SLC40A1: variants seen among roughly 807,000 people sequenced by gnomAD.
SLC40A1 encodes the protein solute carrier family 40 member 1, also known as ferroportin.
SLC40A1 carries 16 observed loss-of-function variants against 53.5 expected under a neutral mutation model. That is an observed-to-expected ratio of 0.30 (90% confidence interval 0.20 to 0.45). The LOEUF (loss-of-function observed/expected upper bound fraction) is 0.45, where lower values mean the gene tolerates loss of function less well. Among genes scored for constraint, SLC40A1 ranks in the 20% least tolerant of loss-of-function variants. The probability of loss-of-function intolerance (pLI) is 1.00; values close to 1 mark genes in which losing one functional copy is unlikely to be tolerated. For synonymous variants in SLC40A1, 247 were observed against 253.2 expected (o/e 0.98, Z 0.23); for missense variants, 545 against 695.4 (o/e 0.78, Z 2.43).
chr2:189,568,946 G>A (rs1267371724), intron 5 of SLC40A1, among the ~76,000 whole-genome samples: 1 of 152,232 alleles, frequency 6.6e-6, no homozygotes, highest in East Asian at 1.9e-4. Context: ...CCTGGGAAAA[G>A]GAAGTAAGAT....
chr2:189,565,638 C>T (rs1297757688), intron 5 of SLC40A1, 39 bp from the exon 6 acceptor site: 8 of 1,613,478 alleles, frequency 5.0e-6, no homozygotes, highest in African/African-American at 1.3e-5. Flanking sequence ...AGTGTGCAAA[C>T]CCATCAAAGA....
chr2:189,579,621 A>C (rs1574248388), intron 2 of SLC40A1, among the ~76,000 whole-genome samples, 192 bp downstream of exon 2: 1 of 152,240 alleles, frequency 6.6e-6, no homozygotes, highest in South Asian at 2.1e-4. Flanking sequence ...TCTGATAATT[A>C]AGTTGCATTA....
chr2:189,572,442 C>A, intron 4 of SLC40A1: 1 of 288,188 alleles, frequency 3.5e-6, no homozygotes. Flanking sequence ...GAAATCACAA[C>A]ATGAAAAGTT....
In SLC40A1 at chr2:189,561,783, G is replaced by T; in HGVS notation, c.*95C>A. On this transcript the variant is annotated 3_prime_UTR_variant, in exon 8 of 8. Transcript: ENST00000261024. ...AAGGCACAGCTGTGGTAAAAACAGA[G>T]CAAAACACCCAGCCATTTATTGGAA... 1 of 1,117,948 alleles carries T rather than the reference G, an allele frequency of 8.9e-7. No individual in the cohort carries two copies. 69.3% of individuals were successfully genotyped at this position (1,117,948 alleles called of 1,614,324 possible). A position where few individuals can be genotyped will look rare whatever the true frequency, so the allele number is the denominator to read the frequency against.
chr2:189,579,703 A>C, intron 2 of SLC40A1, 110 bp downstream of exon 2: 2 of 957,994 alleles, frequency 2.1e-6, no homozygotes, highest in Non-Finnish European at 3.4e-6. Flanking sequence ...TGGATGATTT[A>C]TTTCTTTAAC....
intron 5 of SLC40A1, among the ~76,000 whole-genome samples, chr2:189,569,917 C>T (rs1417825121): frequency 6.6e-6 from 1 of 151,606 alleles, no homozygotes; most frequent in Non-Finnish European, 1.5e-5. Context: ...AGAAAAATCC[C>T]AGAGTTATGT....
Position 189,565,359 on chromosome 2 carries a change from T to G in SLC40A1, c.755A>C (p.His252Pro). 6.2e-7 allele frequency: 1 copy of G among 1,614,250 alleles called. No homozygotes were observed. The highest frequency in any genetic ancestry group is 1.3e-5 in the African/African-American group (1 of 75,076). ...GATCATTGTGTTCAGTTTACCTTTG[T>G]GTAAATTCAGCTGTTTCAATTCAGT... Reference protein sequence around the residue: ...EETELKQLNLHKDTEPKPLEG... With the variant: ...EETELKQLNLPKDTEPKPLEG... The change falls in exon 6 of 8, where the codon CAC becomes CCC. Residue 252 changes from histidine to proline, a missense_variant. Transcript: ENST00000261024.
rs104893664 is a variant in SLC40A1, at chr2:189,564,186, C to T, written c.800G>A (p.Gly267Asp). ...PKPLEGTHLM[G>D]VKDSNIHELE... The stretch of plus-strand genomic sequence containing the variant: ...CTCATGGATGTTAGAGTCTTTCACA[C>T]CCATTAGATGAGTTCCCTCCAGGGG... Residue 267 changes from glycine to aspartate, a missense_variant, in exon 7 of 8, where the codon GGT (glycine) becomes GAT (aspartate). Gly to Asp is a moderately conservative substitution (Grantham distance 94, BLOSUM62 -1). Coordinates refer to ENST00000261024, the MANE Select transcript of SLC40A1 (RefSeq NM_014585.6). 26 of 1,613,676 alleles carry T rather than the reference C, an allele frequency of 1.6e-5. No individual in the cohort carries two copies. In the East Asian group the frequency reaches 2.2e-4, roughly 14 times the overall value.
Position 189,572,896 on chromosome 2 carries a change from C to T in SLC40A1, c.337G>A (p.Val113Ile). The T allele has an allele frequency of 6.2e-7, 1 of 1,614,022 alleles. No homozygotes were observed. Among genetic ancestry groups the T allele is most frequent in the Non-Finnish European group, 8.5e-7 (1 of 1,179,916 alleles). The change falls in exon 4 of 8, where the codon GTT (valine) becomes ATT (isoleucine). Residue 113 changes from valine to isoleucine, a missense_variant. Transcript: ENST00000261024. ...VILCGIILMM[V>I]FLHKHELLTM... Reference sequence around the variant, plus strand: ...AGAAGCTCATGTTTATGTAAGAAAACCATCATCAGGATGATTCCACACAGG... The same window carrying T: ...AGAAGCTCATGTTTATGTAAGAAAATCATCATCAGGATGATTCCACACAGG...
intron 2 of SLC40A1, among the ~76,000 whole-genome samples, chr2:189,576,804 T>C (rs955464159): frequency 6.6e-6 from 1 of 152,166 alleles, no homozygotes; most frequent in Non-Finnish European, 1.5e-5. Context: ...AAGAAACACT[T>C]TTCTAATACT....
rs2030901194 is a variant in SLC40A1, at chr2:189,565,360, G to T, written c.754C>A (p.His252Asn). The change falls in exon 6 of 8, where the codon CAC becomes AAC. Residue 252 changes from histidine to asparagine, a missense_variant. Around this residue, in one of 4 missense-constraint regions of SLC40A1, gnomAD observed 107 missense variants for 91.0 expected, o/e 1.18. Coordinates refer to ENST00000261024, the MANE Select transcript of SLC40A1 (RefSeq NM_014585.6). The stretch of plus-strand genomic sequence containing the variant: ...ATCATTGTGTTCAGTTTACCTTTGT[G>T]TAAATTCAGCTGTTTCAATTCAGTT... ...EETELKQLNL[H>N]KDTEPKPLEG... 6.2e-7 allele frequency: 1 copy of T among 1,614,208 alleles called. No individual in the cohort carries two copies. The highest frequency in any genetic ancestry group is 8.5e-7 in the Non-Finnish European group (1 of 1,180,014).
At chr2:189,573,313 T>G (rs1271611340) in intron 3 of SLC40A1, among the ~76,000 whole-genome samples, 1 of 152,208 alleles carries the variant, frequency 6.6e-6, no homozygotes, top group Admixed American at 6.5e-5. Context: ...TCTTTGTTGC[T>G]TAAGGTAAAA....
intron 2 of SLC40A1, among the ~76,000 whole-genome samples, chr2:189,576,959 G>A (rs2031305328): frequency 6.6e-6 from 1 of 152,150 alleles, no homozygotes; most frequent in African/African-American, 2.4e-5. Flanking sequence ...TGGAAAGAAA[G>A]AAATTGCTCA....
Position 189,561,848 on chromosome 2 carries a change from T to C in SLC40A1, c.*30A>G, listed in dbSNP as rs1458643793. 3.2e-6 allele frequency: 5 copies of C among 1,573,104 alleles called. No individual in the cohort carries two copies. Among genetic ancestry groups the C allele is most frequent in the Non-Finnish European group, 4.4e-6 (5 of 1,142,844 alleles). On this transcript the variant is annotated 3_prime_UTR_variant, in exon 8 of 8. Transcript: ENST00000261024. The stretch of plus-strand genomic sequence containing the variant: ...ATAAGCACATGTGCTCTATATAATC[T>C]AGTAACAGGATAGCAACAGTTAAAC...
chr2:189,574,859 AC>A (rs928563210), intron 3 of SLC40A1, among the ~76,000 whole-genome samples: 1 of 152,212 alleles, frequency 6.6e-6, no homozygotes, highest in Non-Finnish European at 1.5e-5. Flanking sequence ...AGTTAAGCAA[AC>A]TTTTAATGTT....
In SLC40A1 at chr2:189,571,735, TCTC is replaced by T; in HGVS notation, c.491_493del (p.Gly164del). 6.2e-7 allele frequency: 1 copy of T among 1,612,772 alleles called. No individual in the cohort carries two copies. Among genetic ancestry groups the T allele is most frequent in the Non-Finnish European group, 8.5e-7 (1 of 1,178,924 alleles). On this transcript the variant is annotated inframe_deletion, in exon 5 of 8. Transcript: ENST00000261024. ...ATTACTTGCTAGTTTGCTTCTGTCT[TCTC>T]CTGCAACAACAACAATCCAATCCCT... is the stretch of plus-strand genomic sequence containing the variant.
chr2:189,571,595 A>G (rs1574242927), intron 5 of SLC40A1, 120 bp downstream of exon 5: 2 of 1,489,082 alleles, frequency 1.3e-6, no homozygotes, highest in Non-Finnish European at 1.8e-6. Flanking sequence ...GTATGCTTTC[A>G]ATTTATCATT....
intron 2 of SLC40A1, 60 bp from the exon 3 acceptor site, chr2:189,575,380 C>T (rs1180772770): frequency 1.3e-6 from 2 of 1,572,066 alleles, no homozygotes; most frequent in African/African-American, 1.4e-5. Context: ...CTATTGTACT[C>T]AGGAAGTTGC....
Position 189,580,784 on chromosome 2 carries a change from G to A in SLC40A1, c.-324C>T. On this transcript the variant is annotated 5_prime_UTR_variant, in exon 1 of 8. Transcript: ENST00000261024. ...GCCAGCTCTCTCCGCCGCCGCCGCC[G>A]CCGCCGTGGGCCGGGCCCAGCTCTT... 2.4e-6 allele frequency: 3 copies of A among 1,273,046 alleles called. No individual in the cohort carries two copies. Among genetic ancestry groups the A allele is most frequent in the Non-Finnish European group, 3.0e-6 (3 of 1,000,648 alleles). The allele number at this position is 1,273,046 out of a possible 1,614,324, so 78.9% of individuals were successfully genotyped here. A position where few individuals can be genotyped will look rare whatever the true frequency, so the allele number is the denominator to read the frequency against.
Sources: allele counts gnomAD v4.1 joint callset (sites outside exome capture counted in the v4.1 genomes callset), GRCh38; gene constraint gnomAD v4.1.1; regional missense constraint gnomAD v4.1.1; transcripts MANE v1.5; gene names NCBI Gene and HGNC (gene_info 2026-07-23, HGNC 2026-07-21).